The following TRIM67 variants were observed in gnomAD, a reference collection of about 807,000 sequenced individuals.
The protein encoded by TRIM67 is tripartite motif-containing protein 67.
In TRIM67, 39 loss-of-function variants were observed where a neutral mutation model predicts 71.0. The ratio of observed to expected loss-of-function variants is 0.55; its 90% CI spans 0.43 to 0.72. The LOEUF (loss-of-function observed/expected upper bound fraction) is 0.72, where lower values mean the gene tolerates loss of function less well. Ranked by LOEUF, TRIM67 falls within the 30% of genes least tolerant of loss-of-function variation. The pLI is 0.00. For missense variants in TRIM67, 973 were observed against 1,079.2 expected, an observed-to-expected ratio of 0.90 and a Z score of 1.38; for synonymous variants, 481 against 473.9, an observed-to-expected ratio of 1.01 and a Z score of -0.19.
At chr1:231,185,588 GC>G in intron 1 of TRIM67, among the ~76,000 whole-genome samples, 1 of 151,950 alleles carries the variant, frequency 6.6e-6, no homozygotes, top group Admixed American at 6.5e-5. Context: ...GCCTAGGGGA[GC>G]CCAGACGCGT....
intron 1 of TRIM67, among the ~76,000 whole-genome samples, chr1:231,180,628 T>A (rs1355120000): frequency 6.6e-6 from 1 of 152,132 alleles, no homozygotes; most frequent in South Asian, 2.1e-4. Flanking sequence ...GTTGGATGAA[T>A]CAAGGGAAGG....
chr1:231,166,826 T>G (rs923946893), intron 1 of TRIM67, among the ~76,000 whole-genome samples: 1 of 152,226 alleles, frequency 6.6e-6, no homozygotes, highest in Non-Finnish European at 1.5e-5. Context: ...CACATTTCTG[T>G]ATGAATTTCT....
chr1:231,193,503 G>GCTCTCTCTCTCTTTCTCT (rs1553325671), intron 1 of TRIM67, among the ~76,000 whole-genome samples: 1 of 81,946 alleles, frequency 1.2e-5, no homozygotes, highest in African/African-American at 4.6e-5. Flanking sequence ...TCTCTCTCAA[G>GCTCTCTCTCTCTTTCTCT]CTCTCTCTCT....
intron 9 of TRIM67, 67 bp downstream of exon 9, chr1:231,214,044 T>C: frequency 6.7e-7 from 1 of 1,497,170 alleles, no homozygotes; most frequent in African/African-American, 1.4e-5. Context: ...GTCTCTGCAG[T>C]GCCCTTGGGC....
At chr1:231,187,731 G>T (rs566646920) in intron 1 of TRIM67, 2 of 638,368 alleles carry the variant, frequency 3.1e-6, no homozygotes, top group Non-Finnish European at 5.3e-6. Context: ...AGGAAGCCAC[G>T]TGGCTGGGTA....
chr1:231,178,550 A>G (rs1682815652), intron 1 of TRIM67, among the ~76,000 whole-genome samples: 1 of 152,226 alleles, frequency 6.6e-6, no homozygotes, highest in South Asian at 2.1e-4. Flanking sequence ...AATCTTAGTG[A>G]CGGTGTCCTC....
At chr1:231,191,113 G>C (rs922822045) in intron 1 of TRIM67, among the ~76,000 whole-genome samples, 24 of 152,148 alleles carry the variant, frequency 1.6e-4, no homozygotes, top group African/African-American at 5.8e-4. Flanking sequence ...ACCCAGGCTG[G>C]AGTGCAGTGG....
intron 8 of TRIM67, among the ~76,000 whole-genome samples, chr1:231,210,803 G>A (rs1048969385): frequency 1.3e-5 from 2 of 151,800 alleles, no homozygotes; most frequent in East Asian, 3.9e-4. Flanking sequence ...ACTTAAGGAG[G>A]CCGAGGCAGA....
chr1:231,198,510 C>T lies in TRIM67; in HGVS notation c.1141-537C>T, dbSNP rs540278058. On this transcript the variant is annotated intron_variant, in intron 2 of 9. Transcript: ENST00000366653. Reference sequence around the variant, plus strand: ...CAAGCAATTCTCCTGCCTCAGCCCCCTGAGTAGCTGGGATTACAGGCATGT... The same window carrying T: ...CAAGCAATTCTCCTGCCTCAGCCCCTTGAGTAGCTGGGATTACAGGCATGT... Among the ~76,000 whole-genome samples, 19 of 152,310 alleles carry T rather than the reference C, an allele frequency of 1.2e-4. No homozygotes were observed. The South Asian group carries it at 3.9e-3, about 32-fold the overall frequency.
rs1280473908 is a variant in TRIM67 at position 231,220,287 on chromosome 1, T to A, written c.*4847T>A. ...CTTTAAGACAGGTTTCCTATGACCA[T>A]AGAAAGTAACACCCCATATGTTTCC... On this transcript the variant is annotated 3_prime_UTR_variant, in exon 10 of 10. Transcript: ENST00000366653. 4 of 252,070 alleles carry A rather than the reference T, an allele frequency of 1.6e-5. No homozygotes were observed. The highest frequency in any genetic ancestry group is 3.2e-5 in the Non-Finnish European group (4 of 126,224). The allele number at this position is 252,070 out of a possible 1,614,324, so 15.6% of individuals were successfully genotyped here.
rs369558747 is a variant in TRIM67 at position 231,169,993 on chromosome 1, C to CTTTTTTTTTTTTTTTTTTTTTT, written c.1044+5990_1044+5991insTTTTTTTTTTTTTTTTTTTTTT. Among the ~76,000 whole-genome samples the CTTTTTTTTTTTTTTTTTTTTTT allele has an allele frequency of 1.6e-3, 213 of 135,982 alleles. 13 individuals are homozygous for CTTTTTTTTTTTTTTTTTTTTTT. Among genetic ancestry groups the CTTTTTTTTTTTTTTTTTTTTTT allele is most frequent in the African/African-American group, 4.3e-3 (132 of 30,884 alleles). The allele number at this position is 135,982 out of a possible 152,430, so 89.2% of individuals were successfully genotyped here. A position where few individuals can be genotyped will look rare whatever the true frequency, so the allele number is the denominator to read the frequency against. On this transcript the variant is annotated intron_variant, in intron 1 of 9. Transcript: ENST00000366653. The stretch of plus-strand genomic sequence containing the variant: ...CTTTAAAATGTTTTTTTCTTTCTCT[C>CTTTTTTTTTTTTTTTTTTTTTT]TTTTTTTTTTGAGTTGGAGTTTCAC...
intron 4 of TRIM67, among the ~76,000 whole-genome samples, chr1:231,200,461 G>A (rs1409301628): frequency 2.0e-5 from 3 of 152,220 alleles, no homozygotes; most frequent in Admixed American, 6.5e-5. Flanking sequence ...TGCATGAAAC[G>A]AGGAGGTGAA....
At position 231,164,157 on chromosome 1, in the gene TRIM67, C is replaced by G. The variant is rs116689168; in HGVS notation, c.1044+144C>G. ...CTCACTCATTAGCCATTCATTCCAT[C>G]AGATAGTCATTTGACAAACAGGTAA... is the stretch of plus-strand genomic sequence containing the variant. On this transcript the variant is annotated intron_variant, in intron 1 of 9. Transcript: ENST00000366653. 7.9e-4 allele frequency: 870 copies of G among 1,100,142 alleles called. 6 individuals are homozygous for G. In the African/African-American group the frequency reaches 0.013, roughly 16 times the overall value. 68.1% of individuals were successfully genotyped at this position (1,100,142 alleles called of 1,614,324 possible). A position where few individuals can be genotyped will look rare whatever the true frequency, so the allele number is the denominator to read the frequency against.
chr1:231,190,655 T>C (rs935776944), intron 1 of TRIM67, among the ~76,000 whole-genome samples: 1 of 152,100 alleles, frequency 6.6e-6, no homozygotes, highest in African/African-American at 2.4e-5. Context: ...GGCGTCCCTC[T>C]CCCCTGTGCC....
At chr1:231,169,645 C>G in intron 1 of TRIM67, among the ~76,000 whole-genome samples, 2 of 152,238 alleles carry the variant, frequency 1.3e-5, no homozygotes, top group South Asian at 4.1e-4. Flanking sequence ...TCCCAAAGTG[C>G]TGGGATTACA....
chr1:231,200,094 C>A (rs1683477625), intron 3 of TRIM67, 54 bp from the exon 4 acceptor site: 1 of 1,396,424 alleles, frequency 7.2e-7, no homozygotes, highest in Non-Finnish European at 1.0e-6. Flanking sequence ...TTGCGGTGGC[C>A]TGCCTGTTCT....
rs910177028 is a variant in TRIM67, at chr1:231,218,706, T to C, written c.*3266T>C. On this transcript the variant is annotated 3_prime_UTR_variant, in exon 10 of 10. Transcript: ENST00000366653. ...AAACTGTATATATTTCCAGGCTGCATCTTCAGCCTGATATGTACTTTGTAG... is the reference window on the plus strand; with the variant it reads ...AAACTGTATATATTTCCAGGCTGCACCTTCAGCCTGATATGTACTTTGTAG... 1.0e-6 allele frequency: 1 copy of C among 985,420 alleles called. No individual in the cohort carries two copies. Among genetic ancestry groups the C allele is most frequent in the Non-Finnish European group, 1.2e-6 (1 of 829,922 alleles). 61.0% of individuals were successfully genotyped at this position (985,420 alleles called of 1,614,324 possible).
chr1:231,208,585 T>G (rs1051805384), intron 7 of TRIM67, among the ~76,000 whole-genome samples: 3 of 152,200 alleles, frequency 2.0e-5, no homozygotes, highest in Non-Finnish European at 4.4e-5. Context: ...GTGCTGGGAT[T>G]ACAGGCGTGG....
rs912589998 is a variant in TRIM67 at position 231,162,169 on chromosome 1, G to A, written c.-801G>A. ...CCCTCCGCCCGCCGGCTGCAGCGTC[G>A]CGCGGCCCAAGGTCAGAGGCGCCGC... On this transcript the variant is annotated 5_prime_UTR_variant, in exon 1 of 10. Coordinates refer to ENST00000366653, the MANE Select transcript of TRIM67 (RefSeq NM_001004342.5). 6.6e-6 allele frequency: 1 copy of A among 152,130 alleles called. No homozygotes were observed. Among genetic ancestry groups the A allele is most frequent in the Non-Finnish European group, 1.5e-5 (1 of 68,014 alleles). The allele number at this position is 152,130 out of a possible 1,614,324, so 9.4% of individuals were successfully genotyped here. A position where few individuals can be genotyped will look rare whatever the true frequency, so the allele number is the denominator to read the frequency against.
Sources: allele counts gnomAD v4.1 joint callset (sites outside exome capture counted in the v4.1 genomes callset), GRCh38; gene constraint gnomAD v4.1.1; transcripts MANE v1.5; gene names NCBI Gene and HGNC (gene_info 2026-07-23, HGNC 2026-07-21).